OSBP2: variants seen among roughly 807,000 people sequenced by gnomAD.
OSBP2 encodes the protein oxysterol binding protein 2, also known as oxysterol-binding protein 2.
OSBP2 carries 66 observed loss-of-function variants against 96.0 expected under a neutral mutation model. That is an observed-to-expected ratio of 0.69 (90% CI 0.56 to 0.84). The LOEUF (loss-of-function observed/expected upper bound fraction) is 0.84. Among genes scored for constraint, OSBP2 ranks in the 40% least tolerant of loss-of-function variants. OSBP2 has a pLI of 0.00. For synonymous variants in OSBP2, 525 were observed against 520.9 expected, an observed-to-expected ratio of 1.01 and a Z score of -0.11; for missense variants, 1,038 against 1,222.7, an observed-to-expected ratio of 0.85 and a Z score of 2.25.
intron 2 of OSBP2, among the ~76,000 whole-genome samples, chr22:30,782,799 T>G (rs1027457909): frequency 2.0e-5 from 3 of 152,168 alleles, no homozygotes; most frequent in Non-Finnish European, 2.9e-5. Context: ...AATGGCTGAC[T>G]CAGGGTACAT....
Position 30,870,613 on chromosome 22 carries a change from T to G in OSBP2, c.1038T>G (p.Ser346Arg). The G allele has an allele frequency of 5.0e-6, 8 of 1,612,712 alleles. No individual in the cohort carries two copies. The highest frequency in any genetic ancestry group is 6.8e-6 in the Non-Finnish European group (8 of 1,179,726). The change falls in exon 3 of 14, where the codon AGT (serine) becomes AGG (arginine). Residue 346 changes from serine (S) to arginine (R), a missense_variant. Around this residue, in one of 3 missense-constraint regions of OSBP2, gnomAD observed 737 missense variants for 913.3 expected, o/e 0.81. Transcript: ENST00000332585. The surrounding 1 kb of genome is among the most constrained non-coding windows in gnomAD (Gnocchi z 4.1). Reference sequence around the variant, plus strand: ...ACGGCCTCAAGATCCCATCTGAGAGTGGGGAGAAGCTGAAGGTGGTGAATG... The same window carrying G: ...ACGGCCTCAAGATCCCATCTGAGAGGGGGGAGAAGCTGAAGGTGGTGAATG... The part of the protein sequence containing the change: ...ELDGLKIPSE[S>R]GEKLKVVNER...
chr22:30,890,582 C>A lies in OSBP2; in HGVS notation c.1624-146C>A. ...GGCCAGGGAGGTGATGGCTTGGGGG[C>A]CACACTGTTGGACAGGGCCATCTGA... On this transcript the variant is annotated intron_variant, in intron 7 of 13. Coordinates refer to ENST00000332585, the MANE Select transcript of OSBP2 (RefSeq NM_030758.4). The surrounding 1 kb of genome is among the most constrained non-coding windows in gnomAD (Gnocchi z 4.4). 1 of 832,162 alleles carries A rather than the reference C, an allele frequency of 1.2e-6. No individual in the cohort carries two copies. The highest frequency in any genetic ancestry group is 1.9e-6 in the Non-Finnish European group (1 of 532,188). 51.5% of individuals were successfully genotyped at this position (832,162 alleles called of 1,614,324 possible).
chr22:30,841,910 C>T (rs1249083765), intron 2 of OSBP2, among the ~76,000 whole-genome samples: 1 of 151,984 alleles, frequency 6.6e-6, no homozygotes, highest in African/African-American at 2.4e-5. Flanking sequence ...TGAACCACTG[C>T]ATTCTAGCCT....
At chr22:30,839,078 T>C (rs2038694513) in intron 2 of OSBP2, among the ~76,000 whole-genome samples, 1 of 142,582 alleles carries the variant, frequency 7.0e-6, no homozygotes, top group South Asian at 2.3e-4. Flanking sequence ...AATTCCCATC[T>C]ATGAGTGAGA....
At chr22:30,699,963 T>C (rs563903642) in intron 1 of OSBP2, among the ~76,000 whole-genome samples, 55 of 152,032 alleles carry the variant, frequency 3.6e-4, no homozygotes, top group Admixed American at 6.6e-4. Context: ...AGATTCTTTT[T>C]TTCTTTTTTT....
intron 2 of OSBP2, among the ~76,000 whole-genome samples, chr22:30,848,139 A>G (rs2038909273): frequency 6.6e-6 from 1 of 152,074 alleles, no homozygotes; most frequent in African/African-American, 2.4e-5. Flanking sequence ...TGTTATATTC[A>G]TGTTTCATAG....
intron 2 of OSBP2, among the ~76,000 whole-genome samples, chr22:30,838,882 A>G (rs1434714346): frequency 2.6e-5 from 4 of 151,382 alleles, no homozygotes; most frequent in Admixed American, 6.6e-5. Flanking sequence ...CATGTGCACA[A>G]TGTGCAGGTT....
intron 3 of OSBP2, among the ~76,000 whole-genome samples, chr22:30,877,557 A>T (rs1223111007): frequency 6.6e-6 from 1 of 152,122 alleles, no homozygotes; most frequent in Non-Finnish European, 1.5e-5. Flanking sequence ...TCAGGCTTGG[A>T]GTGTTAGCAT....
chr22:30,897,519 T>C (rs1452450661), intron 12 of OSBP2, among the ~76,000 whole-genome samples: 1 of 152,108 alleles, frequency 6.6e-6, no homozygotes. Context: ...ACAATTAAGA[T>C]AGAAGTTACA....
At chr22:30,804,888 G>A (rs2090905692) in intron 2 of OSBP2, among the ~76,000 whole-genome samples, 1 of 152,158 alleles carries the variant, frequency 6.6e-6, no homozygotes, top group East Asian at 1.9e-4. Context: ...TAATGGCAGG[G>A]CAACTAAGCA....
chr22:30,788,718 T>G (rs1459178522), intron 2 of OSBP2, among the ~76,000 whole-genome samples: 1 of 152,110 alleles, frequency 6.6e-6, no homozygotes, highest in Non-Finnish European at 1.5e-5. Context: ...ATTTTATTTA[T>G]TTATTTATTT....
intron 1 of OSBP2, among the ~76,000 whole-genome samples, chr22:30,730,797 TATATATATATA>T (rs2089758699): frequency 3.6e-5 from 2 of 56,044 alleles, no homozygotes; most frequent in African/African-American, 9.1e-5. Context: ...TATATATATA[TATATATATATA>T]ATTTTTTTTT....
chr22:30,830,468 C>T (rs1231650169), intron 2 of OSBP2, among the ~76,000 whole-genome samples: 2 of 152,344 alleles, frequency 1.3e-5, no homozygotes, highest in East Asian at 3.9e-4. Context: ...GGTTAGAGGA[C>T]AAGTGTCTTT....
At position 30,861,788 on chromosome 22, in the gene OSBP2, C is replaced by T. The variant is rs61642432; in HGVS notation, c.854-8641C>T. The stretch of plus-strand genomic sequence containing the variant: ...GGGTTCCCCAATCAGGAAGGACTGG[C>T]TGTGCCTCAGGGGCGCTGCTCCTGC... On this transcript the variant is annotated intron_variant, in intron 2 of 13. Transcript: ENST00000332585. 7.9e-3 allele frequency among the ~76,000 whole-genome samples: 1,199 copies of T among 152,280 alleles called. 13 individuals carry two copies. The highest frequency in any genetic ancestry group is 0.03 in the East Asian group (154 of 5,148).
chr22:30,760,684 T>A (rs975688136), intron 2 of OSBP2, among the ~76,000 whole-genome samples: 2 of 152,018 alleles, frequency 1.3e-5, no homozygotes, highest in African/African-American at 4.8e-5. Flanking sequence ...GGCATGGTGG[T>A]GCACACCTGT....
intron 2 of OSBP2, among the ~76,000 whole-genome samples, chr22:30,753,328 G>A (rs2090100945): frequency 6.6e-6 from 1 of 152,024 alleles, no homozygotes; most frequent in Non-Finnish European, 1.5e-5. Context: ...AGGTGAGGAG[G>A]GCAGGGAAGA....
chr22:30,775,891 G>T (rs892701461), intron 2 of OSBP2, among the ~76,000 whole-genome samples: 1 of 151,456 alleles, frequency 6.6e-6, no homozygotes, highest in Non-Finnish European at 1.5e-5. Flanking sequence ...CTGCCTCCCA[G>T]GTTCAAGTGA....
chr22:30,764,099 G>A (rs1340628235), intron 2 of OSBP2, among the ~76,000 whole-genome samples: 1 of 152,178 alleles, frequency 6.6e-6, no homozygotes, highest in Non-Finnish European at 1.5e-5. Context: ...CCTCCCTCTT[G>A]GGCCTTCACT....
chr22:30,862,231 G>A (rs1246198437), intron 2 of OSBP2, among the ~76,000 whole-genome samples: 1 of 152,208 alleles, frequency 6.6e-6, no homozygotes, highest in Non-Finnish European at 1.5e-5. Flanking sequence ...CAGGGCTTCC[G>A]CTCCCCGCCT....
Sources: allele counts gnomAD v4.1 joint callset (sites outside exome capture counted in the v4.1 genomes callset), GRCh38; gene constraint gnomAD v4.1.1; regional missense constraint gnomAD v4.1.1; non-coding constraint Gnocchi (gnomAD v3.1); transcripts MANE v1.5; gene names NCBI Gene and HGNC (gene_info 2026-07-23, HGNC 2026-07-21).